The following CEP112 variants were observed in gnomAD, a reference collection of about 807,000 sequenced individuals.
CEP112 encodes the protein centrosomal protein 112.
Under a neutral mutation model 153.0 loss-of-function variants are expected in CEP112, and 127 were observed. The observed-to-expected ratio is 0.83, with a 90% confidence interval of 0.72 to 0.96. The LOEUF (loss-of-function observed/expected upper bound fraction) is 0.96, where lower values mean the gene tolerates loss of function less well. CEP112 is among the 40% of genes least tolerant of loss of function. CEP112 has a pLI of 0.00. For missense variants in CEP112, 1,089 were observed against 1,101.2 expected (o/e 0.99, Z 0.16); for synonymous variants, 358 against 374.4 (o/e 0.96, Z 0.51).
chr17:65,796,497 A>G (rs2054919074), intron 21 of CEP112, among the ~76,000 whole-genome samples: 2 of 152,176 alleles, frequency 1.3e-5, no homozygotes, highest in Admixed American at 1.3e-4. Context: ...AAACATTTAA[A>G]TTTCTTCTAC....
At chr17:66,004,102 G>A (rs1178651120) in intron 17 of CEP112, among the ~76,000 whole-genome samples, 3 of 152,072 alleles carry the variant, frequency 2.0e-5, no homozygotes, top group Non-Finnish European at 4.4e-5. Flanking sequence ...AAAGTTCATG[G>A]AGAAATCTTC....
rs56799617 is a variant in CEP112 at position 66,135,687 on chromosome 17, G to A, written c.471-2924C>T. Among the ~76,000 whole-genome samples the A allele has an allele frequency of 9.2e-3, 1,404 of 152,088 alleles. 25 individuals are homozygous for A. Among genetic ancestry groups the A allele is most frequent in the African/African-American group, 0.033 (1,348 of 41,460 alleles). On this transcript the variant is annotated intron_variant, in intron 4 of 26. Transcript: ENST00000535342. The stretch of plus-strand genomic sequence containing the variant: ...TTACTACTCTTAAGCCATAAAACTA[G>A]GAGAATATAAATTTTCCCTTTCACT...
chr17:65,969,257 G>A (rs1210145507), intron 17 of CEP112, among the ~76,000 whole-genome samples: 1 of 151,676 alleles, frequency 6.6e-6, no homozygotes, highest in Non-Finnish European at 1.5e-5. Context: ...AGTTTTTTTT[G>A]TATTTTTAGT....
chr17:65,916,844 G>T (rs2060511486), intron 19 of CEP112, among the ~76,000 whole-genome samples: 1 of 151,886 alleles, frequency 6.6e-6, no homozygotes, highest in African/African-American at 2.4e-5. Context: ...ACTGCACCCA[G>T]CCCATCTTTG....
intron 18 of CEP112, among the ~76,000 whole-genome samples, chr17:65,934,426 C>T (rs1399367258): frequency 6.6e-6 from 1 of 151,896 alleles, no homozygotes; most frequent in African/African-American, 2.4e-5. Context: ...CATATCACTA[C>T]AGAAAATCAT....
chr17:65,846,780 A>T (rs960669266), intron 21 of CEP112, among the ~76,000 whole-genome samples: 2 of 152,142 alleles, frequency 1.3e-5, no homozygotes, highest in Non-Finnish European at 2.9e-5. Context: ...CGTGTTAGCC[A>T]GGATGGTCTC....
intron 21 of CEP112, among the ~76,000 whole-genome samples, chr17:65,812,476 T>C (rs1214023171): frequency 6.6e-6 from 1 of 152,162 alleles, no homozygotes; most frequent in African/African-American, 2.4e-5. Context: ...AAAACGACCC[T>C]AAGAGCTCCA....
intron 16 of CEP112, among the ~76,000 whole-genome samples, chr17:66,026,693 G>A (rs2065225993): frequency 6.6e-6 from 1 of 152,086 alleles, no homozygotes; most frequent in African/African-American, 2.4e-5. Context: ...TTTATAAAAT[G>A]GTGTAGTATT....
At position 65,948,589 on chromosome 17, in the gene CEP112, TATAC is replaced by T. The variant is rs746355346; in HGVS notation, c.1872+12870_1872+12873del. 3.1e-3 allele frequency among the ~76,000 whole-genome samples: 326 copies of T among 103,656 alleles called. 1 individual carries two copies. The highest frequency in any genetic ancestry group is 0.021 in the East Asian group (24 of 1,166). 68.0% of individuals were successfully genotyped at this position (103,656 alleles called of 152,430 possible). On this transcript the variant is annotated intron_variant, in intron 18 of 26. Transcript: ENST00000535342. The stretch of plus-strand genomic sequence containing the variant: ...AAAAATATGATTTTATATATATATA[TATAC>T]ATACATAGAAATAATTCTAACGATA...
chr17:66,127,596 C>G (rs1353941351), intron 6 of CEP112, among the ~76,000 whole-genome samples: 2 of 152,176 alleles, frequency 1.3e-5, no homozygotes, highest in African/African-American at 4.8e-5. Context: ...TTCCATGAAC[C>G]AGACATCCTC....
intron 18 of CEP112, among the ~76,000 whole-genome samples, chr17:65,928,620 T>C (rs975728844): frequency 7.2e-5 from 11 of 152,238 alleles, no homozygotes; most frequent in African/African-American, 2.4e-4. Context: ...ACATGTACTC[T>C]GGGAGGCTGA....
chr17:66,063,413 A>G (rs887361967), intron 10 of CEP112, among the ~76,000 whole-genome samples: 3 of 152,118 alleles, frequency 2.0e-5, no homozygotes, highest in African/African-American at 7.2e-5. Context: ...ACCAAATACC[A>G]TATGTTTTTA....
chr17:65,706,167 A>T (rs1166049708), intron 23 of CEP112, among the ~76,000 whole-genome samples: 3 of 152,242 alleles, frequency 2.0e-5, no homozygotes, highest in Admixed American at 6.5e-5. Context: ...GTACAGTAAA[A>T]TGATATAAGA....
chr17:65,775,294 G>C (rs909799000), intron 21 of CEP112, among the ~76,000 whole-genome samples: 3 of 151,994 alleles, frequency 2.0e-5, no homozygotes, highest in Non-Finnish European at 2.9e-5. Flanking sequence ...TGTGACACCA[G>C]GGACCCTGCT....
At chr17:65,746,650 T>C (rs1202434410) in intron 22 of CEP112, among the ~76,000 whole-genome samples, 1 of 152,164 alleles carries the variant, frequency 6.6e-6, no homozygotes, top group South Asian at 2.1e-4. Flanking sequence ...ATGTAATAAC[T>C]GGCACCCAGT....
At chr17:65,989,922 A>T (rs974499212) in intron 17 of CEP112, among the ~76,000 whole-genome samples, 1 of 152,142 alleles carries the variant, frequency 6.6e-6, no homozygotes, top group Non-Finnish European at 1.5e-5. Context: ...TTTTTCCTAT[A>T]CTTTGAGATC....
chr17:65,844,730 A>G (rs1452651488), intron 21 of CEP112, among the ~76,000 whole-genome samples: 1 of 149,536 alleles, frequency 6.7e-6, no homozygotes, highest in African/African-American at 2.5e-5. Context: ...AATTAATTAC[A>G]TCTGGCTGGG....
intron 12 of CEP112, among the ~76,000 whole-genome samples, chr17:66,048,015 A>G (rs2066283114): frequency 1.3e-5 from 2 of 152,142 alleles, no homozygotes; most frequent in Admixed American, 6.5e-5. Flanking sequence ...ATTACCTACA[A>G]TATGTCTAAT....
At chr17:65,699,701 C>T (rs1408619190) in intron 23 of CEP112, among the ~76,000 whole-genome samples, 1 of 152,120 alleles carries the variant, frequency 6.6e-6, no homozygotes, top group African/African-American at 2.4e-5. Flanking sequence ...GATCATAGCA[C>T]CCTATAGCCT....
Sources: gnomAD v4.1 joint callset for allele counts (sites outside exome capture counted in the v4.1 genomes callset) on GRCh38, gnomAD v4.1.1 for gene constraint, MANE v1.5 for transcripts, NCBI Gene and HGNC (gene_info 2026-07-23, HGNC 2026-07-21) for gene names.